The following AUTS2 variants were observed in gnomAD, a reference collection of about 807,000 sequenced individuals.
AUTS2 encodes activator of transcription and developmental regulator AUTS2.
AUTS2 carries 17 observed loss-of-function variants against 112.4 expected under a neutral mutation model. That is an observed-to-expected ratio of 0.15 (90% CI 0.10 to 0.23). The LOEUF is 0.23. Among genes scored for constraint, AUTS2 ranks in the 10% least tolerant of loss-of-function variants. The probability of loss-of-function intolerance (pLI) is 1.00; values close to 1 mark genes in which losing one functional copy is unlikely to be tolerated. For synonymous variants in AUTS2, 751 were observed against 702.7 expected, an observed-to-expected ratio of 1.07 and a Z score of -1.09; for missense variants, 1,510 against 1,701.6, an observed-to-expected ratio of 0.89 and a Z score of 1.98.
intron 4 of AUTS2, among the ~76,000 whole-genome samples, chr7:70,307,996 A>G (rs1323969518): frequency 1.3e-5 from 2 of 152,230 alleles, no homozygotes; most frequent in African/African-American, 4.8e-5. Context: ...CTCTGCCTGC[A>G]TGTTGCTAAA....
chr7:70,770,357 G>A (rs565558066), intron 10 of AUTS2, among the ~76,000 whole-genome samples: 27 of 152,304 alleles, frequency 1.8e-4, no homozygotes, highest in African/African-American at 2.4e-5. Context: ...CTCTGAACAC[G>A]GGATTGCGAA....
intron 4 of AUTS2, among the ~76,000 whole-genome samples, chr7:70,335,066 T>G (rs896411217): frequency 6.6e-6 from 1 of 152,184 alleles, no homozygotes; most frequent in African/African-American, 2.4e-5. Context: ...GGTTTCCTGT[T>G]GAGGCGTCTC....
intron 1 of AUTS2, among the ~76,000 whole-genome samples, chr7:69,653,992 C>T (rs1161442876): frequency 1.3e-5 from 2 of 152,156 alleles, no homozygotes; most frequent in Admixed American, 1.3e-4. Flanking sequence ...AAAATTGGAT[C>T]AGTTAGGGGA....
At chr7:70,406,807 C>T (rs981313405) in intron 4 of AUTS2, among the ~76,000 whole-genome samples, 12 of 152,134 alleles carry the variant, frequency 7.9e-5, no homozygotes, top group African/African-American at 1.2e-4. Flanking sequence ...ATAAATCAGC[C>T]GATAGCTGAT....
At chr7:70,707,038 A>C (rs1809776589) in intron 6 of AUTS2, among the ~76,000 whole-genome samples, 2 of 152,244 alleles carry the variant, frequency 1.3e-5, no homozygotes, top group Admixed American at 1.3e-4. Flanking sequence ...TAAAATGGGA[A>C]TAACCAAACC....
intron 5 of AUTS2, among the ~76,000 whole-genome samples, chr7:70,677,903 G>A (rs1371512006): frequency 1.3e-5 from 2 of 152,184 alleles, no homozygotes; most frequent in South Asian, 2.1e-4. Context: ...CTAACACCAT[G>A]AAACCCCGTC....
chr7:70,717,603 A>G (rs76132823), intron 6 of AUTS2, among the ~76,000 whole-genome samples: 1,591 of 152,240 alleles, frequency 0.01, 14 homozygotes, highest in Non-Finnish European at 0.017. Context: ...AGCGTGATAG[A>G]TAGGCCAACC....
intron 4 of AUTS2, among the ~76,000 whole-genome samples, chr7:70,385,661 A>C (rs1234208506): frequency 1.3e-5 from 2 of 152,230 alleles, no homozygotes; most frequent in Admixed American, 6.5e-5. Flanking sequence ...GCTTGAGCCC[A>C]GGAGTTGGAG....
intron 1 of AUTS2, among the ~76,000 whole-genome samples, chr7:69,871,396 A>G (rs768475719): frequency 5.3e-5 from 8 of 152,174 alleles, no homozygotes; most frequent in Non-Finnish European, 1.2e-4. Flanking sequence ...TCCATGGGGA[A>G]TACATTCCAA....
intron 4 of AUTS2, among the ~76,000 whole-genome samples, chr7:70,151,584 C>A (rs1275433167): frequency 6.6e-6 from 1 of 152,176 alleles, no homozygotes; most frequent in Non-Finnish European, 1.5e-5. Flanking sequence ...AGCGATTCTC[C>A]TGCCTCAGCC....
intron 4 of AUTS2, among the ~76,000 whole-genome samples, chr7:70,229,121 A>G (rs1811918877): frequency 6.6e-6 from 1 of 152,134 alleles, no homozygotes; most frequent in East Asian, 1.9e-4. Context: ...AAGAAAAGAC[A>G]AAAATTATAT....
chr7:70,496,558 A>G (rs1798525106), intron 5 of AUTS2, among the ~76,000 whole-genome samples: 2 of 131,424 alleles, frequency 1.5e-5, no homozygotes, highest in Non-Finnish European at 1.6e-5. Context: ...TCAGACACAC[A>G]CACACACCCC....
intron 2 of AUTS2, among the ~76,000 whole-genome samples, chr7:70,067,781 A>G (rs1802562880): frequency 6.6e-6 from 1 of 151,846 alleles, no homozygotes; most frequent in Non-Finnish European, 1.5e-5. Context: ...TGAGCCTGGG[A>G]GATTGAGGCT....
intron 6 of AUTS2, among the ~76,000 whole-genome samples, chr7:70,752,350 T>C (rs1788920401): frequency 6.6e-6 from 1 of 152,142 alleles, no homozygotes; most frequent in South Asian, 2.1e-4. Context: ...TGACTGGAGA[T>C]TGCATCCTTC....
chr7:70,569,885 C>T (rs936041050), intron 5 of AUTS2, among the ~76,000 whole-genome samples: 1 of 152,234 alleles, frequency 6.6e-6, no homozygotes, highest in East Asian at 1.9e-4. Flanking sequence ...TATTTTGGTA[C>T]TTGTCTCCGT....
chr7:69,817,381 G>A (rs554613186), intron 1 of AUTS2, among the ~76,000 whole-genome samples: 7 of 152,292 alleles, frequency 4.6e-5, no homozygotes, highest in South Asian at 2.1e-4. Context: ...AGTATTTAAT[G>A]TGCAGGGGTT....
At chr7:69,995,182 C>A (rs993268198) in intron 2 of AUTS2, among the ~76,000 whole-genome samples, 1 of 152,124 alleles carries the variant, frequency 6.6e-6, no homozygotes, top group South Asian at 2.1e-4. Context: ...TTTGTTTAGG[C>A]TTACTAATGT....
At chr7:70,467,198 G>A (rs1797199935) in intron 5 of AUTS2, among the ~76,000 whole-genome samples, 1 of 152,236 alleles carries the variant, frequency 6.6e-6, no homozygotes, top group Non-Finnish European at 1.5e-5. Context: ...TAAAAAGGGT[G>A]TAAACAGAGG....
At chr7:70,468,999 C>T (rs1324295668) in intron 5 of AUTS2, among the ~76,000 whole-genome samples, 1 of 152,150 alleles carries the variant, frequency 6.6e-6, no homozygotes, top group Non-Finnish European at 1.5e-5. Context: ...ATAAAATAAT[C>T]GTCAGTAGTT....
Sources: allele counts gnomAD v4.1 joint callset (sites outside exome capture counted in the v4.1 genomes callset), GRCh38; gene constraint gnomAD v4.1.1; transcripts MANE v1.5; gene names NCBI Gene and HGNC (gene_info 2026-07-23, HGNC 2026-07-21).